Variants in ZMIZ1 observed in about 807,000 individuals in gnomAD.
ZMIZ1 encodes the protein zinc finger MIZ-type containing 1, also known as zinc finger MIZ domain-containing protein 1.
In ZMIZ1, 17 loss-of-function variants were observed where a neutral mutation model predicts 113.9. That is an observed-to-expected ratio of 0.15 (90% CI 0.10 to 0.22). The LOEUF is 0.22. Among genes scored for constraint, ZMIZ1 ranks in the 10% least tolerant of loss-of-function variants. ZMIZ1 has a pLI of 1.00. For synonymous variants in ZMIZ1, 607 were observed against 603.1 expected (o/e 1.01, Z -0.09); for missense variants, 1,059 against 1,477.8 (o/e 0.72, Z 4.65).
chr10:79,301,431 C>G (rs1217613542), intron 17 of ZMIZ1, among the ~76,000 whole-genome samples: 1 of 152,086 alleles, frequency 6.6e-6, no homozygotes, highest in Non-Finnish European at 1.5e-5. Flanking sequence ...CCTTCCAACC[C>G]GTGACTTGTT....
At chr10:79,268,576 G>A (rs2131936532) in intron 7 of ZMIZ1, among the ~76,000 whole-genome samples, 1 of 152,362 alleles carries the variant, frequency 6.6e-6, no homozygotes, top group South Asian at 2.1e-4. Flanking sequence ...TGCATAGCAT[G>A]TGCTAAACGC....
chr10:79,114,692 G>A (rs555579129), intron 1 of ZMIZ1, among the ~76,000 whole-genome samples: 1 of 152,248 alleles, frequency 6.6e-6, no homozygotes, highest in Admixed American at 6.5e-5. Flanking sequence ...CTTTTTTTCT[G>A]GATGGCTCTG....
At chr10:79,234,195 T>C (rs181217057) in intron 7 of ZMIZ1, among the ~76,000 whole-genome samples, 2 of 152,180 alleles carry the variant, frequency 1.3e-5, no homozygotes, top group Admixed American at 6.5e-5. Context: ...GCAGAGAACA[T>C]AGTTTGGAGG....
intron 8 of ZMIZ1, among the ~76,000 whole-genome samples, chr10:79,280,611 A>G (rs374992265): frequency 1.3e-5 from 2 of 149,572 alleles, no homozygotes; most frequent in East Asian, 3.9e-4. Flanking sequence ...AGGACTTTGC[A>G]GGGCATTTGG....
chr10:79,182,810 T>C (rs1285244729), intron 4 of ZMIZ1, among the ~76,000 whole-genome samples: 1 of 152,206 alleles, frequency 6.6e-6, no homozygotes, highest in Non-Finnish European at 1.5e-5. Context: ...GGCGATTAAA[T>C]GAAATAAATC....
chr10:79,135,653 G>A (rs1374811903), intron 2 of ZMIZ1, among the ~76,000 whole-genome samples: 1 of 152,172 alleles, frequency 6.6e-6, no homozygotes, highest in Admixed American at 6.5e-5. Context: ...TGGGTGGCCA[G>A]AGAGCTAAGG....
Position 79,312,980 on chromosome 10 carries a change from C to T in ZMIZ1, c.*231C>T. ...GGAGCCCACGTCCCACCTCCACACC[C>T]TTGGCTTGGGCCCATGCCCAGCGCA... On this transcript the variant is annotated 3_prime_UTR_variant, in exon 25 of 25. Coordinates refer to ENST00000334512, the MANE Select transcript of ZMIZ1 (RefSeq NM_020338.4). 1.8e-6 allele frequency: 1 copy of T among 559,826 alleles called. No homozygotes were observed. The highest frequency in any genetic ancestry group is 2.1e-5 in the South Asian group (1 of 47,544). The allele number at this position is 559,826 out of a possible 1,614,324, so 34.7% of individuals were successfully genotyped here.
chr10:79,086,180 C>T (rs926748227), intron 1 of ZMIZ1, among the ~76,000 whole-genome samples: 4 of 152,186 alleles, frequency 2.6e-5, no homozygotes, highest in African/African-American at 9.7e-5. Context: ...CCATGGTTGA[C>T]GGGGATTTGC....
intron 4 of ZMIZ1, among the ~76,000 whole-genome samples, chr10:79,184,101 C>T (rs536384503): frequency 6.6e-6 from 1 of 152,318 alleles, no homozygotes; most frequent in East Asian, 1.9e-4. Context: ...GGTTCAGAGC[C>T]TCCAGGTGGC....
At chr10:79,158,041 G>A (rs972389046) in intron 3 of ZMIZ1, among the ~76,000 whole-genome samples, 4 of 152,316 alleles carry the variant, frequency 2.6e-5, no homozygotes, top group Non-Finnish European at 5.9e-5. Context: ...TGGACCAGAT[G>A]TGGGTGGACA....
At chr10:79,242,662 G>T (rs1849906730) in intron 7 of ZMIZ1, among the ~76,000 whole-genome samples, 1 of 151,936 alleles carries the variant, frequency 6.6e-6, no homozygotes. Context: ...TCGCTGGGGG[G>T]CGGGAGACAC....
intron 7 of ZMIZ1, among the ~76,000 whole-genome samples, chr10:79,239,513 C>T (rs1394257523): frequency 6.6e-6 from 1 of 152,216 alleles, no homozygotes; most frequent in African/African-American, 2.4e-5. Context: ...TCATAGGATC[C>T]TTGCTCAGCC....
At chr10:79,274,603 C>T (rs1852152935) in intron 7 of ZMIZ1, among the ~76,000 whole-genome samples, 1 of 147,782 alleles carries the variant, frequency 6.8e-6, no homozygotes, top group African/African-American at 2.5e-5. Flanking sequence ...GCACAACATC[C>T]ACTGCCCCGC....
At chr10:79,152,658 G>A (rs529930906) in intron 3 of ZMIZ1, among the ~76,000 whole-genome samples, 1 of 152,240 alleles carries the variant, frequency 6.6e-6, no homozygotes, top group Non-Finnish European at 1.5e-5. Flanking sequence ...ACTGTGGGCT[G>A]GTGCATGGGT....
rs541739332 is a variant in ZMIZ1, at chr10:79,111,069, G to T, written c.-336-7846G>T. On this transcript the variant is annotated intron_variant, in intron 1 of 24. Transcript: ENST00000334512. ...CCCAGCTCCTGGGCTGACCACCACC[G>T]GGGCCCCTGTGCATAGAGCCCATGA... 3.2e-3 allele frequency among the ~76,000 whole-genome samples: 494 copies of T among 152,302 alleles called. 2 individuals carry two copies. Among genetic ancestry groups the T allele is most frequent in the Non-Finnish European group, 5.4e-3 (364 of 68,030 alleles).
intron 14 of ZMIZ1, 59 bp downstream of exon 14, chr10:79,297,749 T>C: frequency 6.8e-7 from 1 of 1,479,256 alleles, no homozygotes; most frequent in Non-Finnish European, 9.4e-7. Flanking sequence ...CTCTAAAGGT[T>C]CTCACTGTTC....
intron 8 of ZMIZ1, among the ~76,000 whole-genome samples, chr10:79,288,497 C>T (rs1257214336): frequency 1.3e-5 from 2 of 151,984 alleles, no homozygotes; most frequent in African/African-American, 2.4e-5. Flanking sequence ...GGCCCTTCTC[C>T]CAATTTCCCT....
Position 79,314,292 on chromosome 10 carries a change from T to C in ZMIZ1, c.*1543T>C, listed in dbSNP as rs1298925687. 1 of 456,136 alleles carries C rather than the reference T, an allele frequency of 2.2e-6. No individual in the cohort carries two copies. The highest frequency in any genetic ancestry group is 1.5e-5 in the South Asian group (1 of 64,570). The allele number at this position is 456,136 out of a possible 1,614,324, so 28.3% of individuals were successfully genotyped here. On this transcript the variant is annotated 3_prime_UTR_variant, in exon 25 of 25. Transcript: ENST00000334512. ...TGTCCCGTCACTGGGGTCCCATCTG[T>C]AAATTCTTTGCGCCCTTCCCGGCTG...
chr10:79,149,269 T>A (rs535531890), intron 3 of ZMIZ1, among the ~76,000 whole-genome samples: 167 of 152,332 alleles, frequency 1.1e-3, no homozygotes, highest in African/African-American at 3.8e-3. Flanking sequence ...TTGTCCCTGG[T>A]GGGCTGTCGG....
Sources: gnomAD v4.1 joint callset for allele counts (sites outside exome capture counted in the v4.1 genomes callset) on GRCh38, gnomAD v4.1.1 for gene constraint, MANE v1.5 for transcripts, NCBI Gene and HGNC (gene_info 2026-07-23, HGNC 2026-07-21) for gene names.